COBLL1: variants seen among roughly 807,000 people sequenced by gnomAD.
COBLL1 encodes the protein cordon-bleu WH2 repeat protein like 1.
Under a neutral mutation model 94.8 loss-of-function variants are expected in COBLL1, and 50 were observed. That is an observed-to-expected ratio of 0.53 (90% CI 0.42 to 0.67). COBLL1 has a LOEUF of 0.67. COBLL1 is among the 30% of genes least tolerant of loss of function. COBLL1 has a pLI of 0.00. For missense variants in COBLL1, 1,362 were observed against 1,348.7 expected (o/e 1.01, Z -0.15); for synonymous variants, 448 against 473.8 (o/e 0.95, Z 0.71).
intron 2 of COBLL1, among the ~76,000 whole-genome samples, chr2:164,816,993 G>A (rs1478656571): frequency 6.6e-6 from 1 of 152,154 alleles, no homozygotes; most frequent in Non-Finnish European, 1.5e-5. Flanking sequence ...AGGAAAAGGT[G>A]AGCAAAAGCT....
In COBLL1 at chr2:164,685,283, T is replaced by A. The variant is rs1313149561; in HGVS notation, c.*663A>T. On this transcript the variant is annotated 3_prime_UTR_variant, in exon 14 of 14. Coordinates refer to ENST00000652658, the MANE Select transcript of COBLL1 (RefSeq NM_001365672.2). ...AAAATATTTAAAATTCTTGTAGAAT[T>A]TAAGTTCTAAAGATTAAAAAAACAA... 6.6e-6 allele frequency: 1 copy of A among 152,098 alleles called. No individual in the cohort carries two copies. Among genetic ancestry groups the A allele is most frequent in the Non-Finnish European group, 1.5e-5 (1 of 68,000 alleles). 9.4% of individuals were successfully genotyped at this position (152,098 alleles called of 1,614,324 possible).
At chr2:164,713,804 A>ATT (rs1258828617) in intron 7 of COBLL1, among the ~76,000 whole-genome samples, 8 of 152,186 alleles carry the variant, frequency 5.3e-5, no homozygotes, top group Non-Finnish European at 1.0e-4. Context: ...TTGTACTTTA[A>ATT]GTTTCTGAAA....
rs1000115378 is a variant in COBLL1, at chr2:164,703,704, C to T, written c.1225+740G>A. ...TGGAATATAAATTATAAAAATCAGG[C>T]GAGTCATATTAAGCATTTTTTATAC... On this transcript the variant is annotated intron_variant, in intron 9 of 13. Transcript: ENST00000652658. 5.0e-5 allele frequency: 17 copies of T among 341,524 alleles called. 1 individual carries two copies. The highest frequency in any genetic ancestry group is 7.5e-5 in the Non-Finnish European group (13 of 172,488). The allele number at this position is 341,524 out of a possible 1,614,324, so 21.2% of individuals were successfully genotyped here. A position where few individuals can be genotyped will look rare whatever the true frequency, so the allele number is the denominator to read the frequency against.
chr2:164,672,630 C>T (rs111349422), intron 1 of COBLL1, among the ~76,000 whole-genome samples: 4 of 139,632 alleles, frequency 2.9e-5, no homozygotes, highest in South Asian at 2.3e-4. Flanking sequence ...ACCCGGGAAG[C>T]GGAGCTTGCA....
chr2:164,808,372 T>G (rs924793808), intron 2 of COBLL1, among the ~76,000 whole-genome samples: 2 of 152,176 alleles, frequency 1.3e-5, no homozygotes, highest in African/African-American at 4.8e-5. Flanking sequence ...ATGGTAAGGT[T>G]TACAATTTTT....
intron 10 of COBLL1, among the ~76,000 whole-genome samples, chr2:164,700,306 A>G (rs1684182778): frequency 2.0e-5 from 3 of 152,192 alleles, no homozygotes; most frequent in Non-Finnish European, 4.4e-5. Flanking sequence ...TTTATCTGAC[A>G]CAGGGATATT....
At chr2:164,732,302 G>C (rs1686059247) in intron 3 of COBLL1, among the ~76,000 whole-genome samples, 1 of 152,086 alleles carries the variant, frequency 6.6e-6, no homozygotes, top group South Asian at 2.1e-4. Context: ...TGAGCCACAG[G>C]CTATGCCCAT....
At chr2:164,827,139 G>T (rs933299035) in intron 2 of COBLL1, among the ~76,000 whole-genome samples, 1 of 151,942 alleles carries the variant, frequency 6.6e-6, no homozygotes, top group Non-Finnish European at 1.5e-5. Flanking sequence ...AGTAGAGACG[G>T]GGATTCCCCA....
chr2:164,772,629 A>AT (rs1688263179), intron 2 of COBLL1, among the ~76,000 whole-genome samples: 1 of 151,984 alleles, frequency 6.6e-6, no homozygotes, highest in Non-Finnish European at 1.5e-5. Context: ...TGTTAATTCA[A>AT]TTTTTTCTTT....
Position 164,695,121 on chromosome 2 carries a change from A to G in COBLL1, c.2271T>C (p.Asp757=). Residue 757 remains aspartate, a synonymous_variant, in exon 12 of 14, where the codon GAT becomes GAC. Coordinates refer to ENST00000652658, the MANE Select transcript of COBLL1 (RefSeq NM_001365672.2). The part of the protein sequence containing the change: ...DWQSETIEYK[D]DQDMHALGKK... ...TCCCTAAAGCATGCATGTCCTGATC[A>G]TCTTTATACTCTATGGTTTCTGATT... 1 of 1,613,850 alleles carries G rather than the reference A, an allele frequency of 6.2e-7. No homozygotes were observed. Among genetic ancestry groups the G allele is most frequent in the Non-Finnish European group, 8.5e-7 (1 of 1,179,914 alleles).
At chr2:164,818,514 ATACT>A (rs1684965406) in intron 2 of COBLL1, among the ~76,000 whole-genome samples, 1 of 147,398 alleles carries the variant, frequency 6.8e-6, no homozygotes, top group South Asian at 2.1e-4. Context: ...GTATATATGT[ATACT>A]TATATACAAT....
downstream of COBLL1, among the ~76,000 whole-genome samples, chr2:164,678,427 T>C (rs961170697): frequency 6.6e-6 from 1 of 152,124 alleles, no homozygotes; most frequent in Non-Finnish European, 1.5e-5. Flanking sequence ...TGGATTGCTA[T>C]CTGAAACCAT....
At chr2:164,755,005 A>G (rs1278642290) in intron 2 of COBLL1, among the ~76,000 whole-genome samples, 1 of 152,048 alleles carries the variant, frequency 6.6e-6, no homozygotes, top group African/African-American at 2.4e-5. Context: ...TCTACCAAAC[A>G]AATTTAAAAA....
chr2:164,799,099 C>G (rs1559027314), intron 2 of COBLL1, among the ~76,000 whole-genome samples: 1 of 149,726 alleles, frequency 6.7e-6, no homozygotes, highest in Admixed American at 6.6e-5. Flanking sequence ...AAAACCCAGA[C>G]AGAATCCATA....
At chr2:164,702,575 A>AAAAAATAAT in intron 9 of COBLL1, among the ~76,000 whole-genome samples, 1 of 135,068 alleles carries the variant, frequency 7.4e-6, no homozygotes, top group Non-Finnish European at 1.5e-5. Flanking sequence ...AAAAAAAAAA[A>AAAAAATAAT]AATAATAATA....
In COBLL1 at chr2:164,743,857, C is replaced by G; in HGVS notation, c.60G>C (p.Lys20Asn). The G allele has an allele frequency of 6.5e-7, 1 of 1,541,392 alleles. No homozygotes were observed. Among genetic ancestry groups the G allele is most frequent in the Non-Finnish European group, 8.8e-7 (1 of 1,140,388 alleles). ...TGGTCTCAGCTGGAGGAAGTGGTGCCTTGGCTTTTGGTTTTCTCCTAAAAT... is the reference window on the plus strand; with the variant it reads ...TGGTCTCAGCTGGAGGAAGTGGTGCGTTGGCTTTTGGTTTTCTCCTAAAAT... The part of the protein sequence containing the change: ...DAPARRKPKA[K>N]APLPPAETKY... The change falls in exon 3 of 14, where the codon AAG (lysine) becomes AAC (asparagine). Residue 20 changes from lysine to asparagine, a missense_variant. Coordinates refer to ENST00000652658, the MANE Select transcript of COBLL1 (RefSeq NM_001365672.2).
chr2:164,670,156 G>A (rs997460854), intron 1 of COBLL1, among the ~76,000 whole-genome samples: 1 of 152,136 alleles, frequency 6.6e-6, no homozygotes, highest in Non-Finnish European at 1.5e-5. Flanking sequence ...ACTCTATAAA[G>A]TTGGTACCAG....
chr2:164,770,796 T>C (rs1279063020), intron 2 of COBLL1, among the ~76,000 whole-genome samples: 1 of 152,142 alleles, frequency 6.6e-6, no homozygotes, highest in African/African-American at 2.4e-5. Flanking sequence ...CTTAGCAATG[T>C]CTTAGCAAAG....
At chr2:164,796,255 G>A (rs1479367654) in intron 2 of COBLL1, among the ~76,000 whole-genome samples, 1 of 152,120 alleles carries the variant, frequency 6.6e-6, no homozygotes, top group Non-Finnish European at 1.5e-5. Flanking sequence ...TCCCAAATTA[G>A]ACCCTAATTA....
Sources: allele counts gnomAD v4.1 joint callset (sites outside exome capture counted in the v4.1 genomes callset), GRCh38; gene constraint gnomAD v4.1.1; transcripts MANE v1.5; gene names NCBI Gene and HGNC (gene_info 2026-07-23, HGNC 2026-07-21).